The following SH2D5 variants were observed in gnomAD, a reference collection of about 807,000 sequenced individuals.
SH2D5 encodes the protein SH2 domain containing 5, also known as SH2 domain-containing protein 5.
SH2D5 carries 45 observed loss-of-function variants against 48.2 expected under a neutral mutation model. That is an observed-to-expected ratio of 0.93 (90% CI 0.73 to 1.20). The LOEUF (loss-of-function observed/expected upper bound fraction) is 1.20, where lower values mean the gene tolerates loss of function less well. Ranked by LOEUF, SH2D5 falls within the 50% of genes most tolerant of loss-of-function variation. The pLI, the probability that SH2D5 is intolerant of heterozygous loss-of-function variation, is 0.00. For synonymous variants in SH2D5, 230 were observed against 249.8 expected, an observed-to-expected ratio of 0.92 and a Z score of 0.75; for missense variants, 538 against 584.1, an observed-to-expected ratio of 0.92 and a Z score of 0.81.
chr1:20,732,268 C>G lies in SH2D5; in HGVS notation c.-130G>C, dbSNP rs572605336. The G allele has an allele frequency of 6.6e-6, 1 of 152,326 alleles. No homozygotes were observed. The highest frequency in any genetic ancestry group is 2.4e-5 in the African/African-American group (1 of 41,574). The allele number at this position is 152,326 out of a possible 1,614,324, so 9.4% of individuals were successfully genotyped here. On this transcript the variant is annotated 5_prime_UTR_variant, in exon 1 of 10. Transcript: ENST00000444387. This position sits in a 1 kb window ranked among gnomAD's most constrained non-coding sequence, Gnocchi z 5.1. ...CCTGGCACTGCCCACGCCCGGCGCT[C>G]CGCCTGGAAGGGCGGGAGGGGCTCG...
chr1:20,724,085 G>A lies in SH2D5; in HGVS notation c.797C>T (p.Ala266Val), dbSNP rs760506888. The change falls in exon 7 of 10, where the codon GCC becomes GTC. Residue 266 changes from alanine to valine, a missense_variant and splice_region_variant. By Grantham distance (64) the Ala-to-Val change is moderately conservative. Coordinates refer to ENST00000444387, the MANE Select transcript of SH2D5 (RefSeq NM_001103161.2). ...ETQLQLSARE[A>V]FPAAWEAWPR... ...GCAGGCATGTTCCCACAACTCACAG[G>A]CCTCCCGAGCCGACAGCTGCAGCTG... 5 of 1,610,134 alleles carry A rather than the reference G, an allele frequency of 3.1e-6. No individual in the cohort carries two copies. In the Admixed American group the frequency reaches 6.7e-5, roughly 21 times the overall value.
rs911503950 is a variant in SH2D5 at position 20,729,297 on chromosome 1, C to G, written c.-42-1211G>C. On this transcript the variant is annotated intron_variant, in intron 1 of 9. Transcript: ENST00000444387. This position sits in a 1 kb window ranked among gnomAD's most constrained non-coding sequence, Gnocchi z 4.2. ...GTCTCTCCTGGGACCAGTGAGAAAGCCACCTCTGTGTCCTACCCTGGCTGG... is the reference window on the plus strand; with the variant it reads ...GTCTCTCCTGGGACCAGTGAGAAAGGCACCTCTGTGTCCTACCCTGGCTGG... Among the ~76,000 whole-genome samples, 1 of 152,234 alleles carries G rather than the reference C, an allele frequency of 6.6e-6. No individual in the cohort carries two copies. Among genetic ancestry groups the G allele is most frequent in the African/African-American group, 2.4e-5 (1 of 41,468 alleles).
chr1:20,731,481 G>A (rs971479521), intron 1 of SH2D5: 1 of 152,378 alleles, frequency 6.6e-6, no homozygotes, highest in Non-Finnish European at 1.5e-5. Flanking sequence ...GTCCTTCTTG[G>A]AATGTTTCCG....
In SH2D5 at chr1:20,721,787, A is replaced by G. The variant is rs1312328741; in HGVS notation, c.*5T>C. The G allele has an allele frequency of 1.9e-6, 3 of 1,540,076 alleles. No homozygotes were observed. The African/African-American group carries it at 4.1e-5, about 21-fold the overall frequency. On this transcript the variant is annotated 3_prime_UTR_variant, in exon 10 of 10. Coordinates refer to ENST00000444387, the MANE Select transcript of SH2D5 (RefSeq NM_001103161.2). Reference sequence around the variant, plus strand: ...GCGGGGCCTGTGGGACCGGGGCCCTACCTCTTAGCCCAGGCCCTGCAGCTC... The same window carrying G: ...GCGGGGCCTGTGGGACCGGGGCCCTGCCTCTTAGCCCAGGCCCTGCAGCTC...
chr1:20,726,067 C>A lies in SH2D5; in HGVS notation c.244-1G>T. The A allele has an allele frequency of 1.9e-6, 3 of 1,595,454 alleles. No individual in the cohort carries two copies. In the South Asian group the frequency reaches 3.4e-5, roughly 18 times the overall value. Reference sequence around the variant, plus strand: ...TCAGGGCATGAGCCATCAGCAGCACCTGGCGAGGCAGCAGTGTGAGGCCCC... The same window carrying A: ...TCAGGGCATGAGCCATCAGCAGCACATGGCGAGGCAGCAGTGTGAGGCCCC... On this transcript the variant is annotated splice_acceptor_variant, in intron 4 of 9. Coordinates refer to ENST00000444387, the MANE Select transcript of SH2D5 (RefSeq NM_001103161.2). LOFTEE classifies it high-confidence loss of function.
intron 7 of SH2D5, 82 bp from the exon 8 acceptor site, chr1:20,723,816 G>T: frequency 1.7e-6 from 2 of 1,211,486 alleles, no homozygotes; most frequent in Non-Finnish European, 1.2e-6. Context: ...CACCCAGGGT[G>T]GTGTCCTCCC....
At chr1:20,722,148 T>C (rs555762227) in intron 9 of SH2D5, among the ~76,000 whole-genome samples, 153 bp from the exon 10 acceptor site, 69 of 152,226 alleles carry the variant, frequency 4.5e-4, no homozygotes, top group African/African-American at 1.6e-3. Context: ...CCAAACACCA[T>C]TCCCTCTCTC....
chr1:20,725,901 T>G lies in SH2D5; in HGVS notation c.390+19A>C. ...CCCTCCGGCCTCCGTGGCGGTCCCCTGCCTCAAGCCCCAGATACCTCTCCT... is the reference window on the plus strand; with the variant it reads ...CCCTCCGGCCTCCGTGGCGGTCCCCGGCCTCAAGCCCCAGATACCTCTCCT... On this transcript the variant is annotated intron_variant, in intron 5 of 9. Coordinates refer to ENST00000444387, the MANE Select transcript of SH2D5 (RefSeq NM_001103161.2). The G allele has an allele frequency of 6.2e-7, 1 of 1,611,784 alleles. No homozygotes were observed. The highest frequency in any genetic ancestry group is 8.5e-7 in the Non-Finnish European group (1 of 1,179,502).
intron 5 of SH2D5, among the ~76,000 whole-genome samples, chr1:20,725,269 T>C (rs1242516447): frequency 6.6e-6 from 1 of 152,228 alleles, no homozygotes; most frequent in Non-Finnish European, 1.5e-5. Context: ...GTCACCCCAG[T>C]ATCCAGCACA....
At chr1:20,722,514 C>T (rs2054706760) in intron 9 of SH2D5, among the ~76,000 whole-genome samples, 1 of 152,160 alleles carries the variant, frequency 6.6e-6, no homozygotes, top group South Asian at 2.1e-4. Flanking sequence ...GCGGAGTCAA[C>T]AGAGGTGGGG....
At chr1:20,723,349 T>G (rs530581523) in intron 8 of SH2D5, among the ~76,000 whole-genome samples, 1 of 152,370 alleles carries the variant, frequency 6.6e-6, no homozygotes, top group Non-Finnish European at 1.5e-5. Flanking sequence ...GAGCTGACGC[T>G]TAGGGGCCTC....
chr1:20,727,355 A>G, intron 3 of SH2D5, 168 bp downstream of exon 3: 1 of 702,326 alleles, frequency 1.4e-6, no homozygotes. Context: ...CCCAGGGCAT[A>G]AGGGATGGGG....
chr1:20,724,532 C>G lies in SH2D5; in HGVS notation c.494G>C (p.Gly165Ala). 1 of 1,608,842 alleles carries G rather than the reference C, an allele frequency of 6.2e-7. No homozygotes were observed. Among genetic ancestry groups the G allele is most frequent in the Non-Finnish European group, 8.5e-7 (1 of 1,178,448 alleles). The part of the protein sequence containing the change: ...AQPEPCPGPT[G>A]EVPLKPLSSS... ...GGACAGTGGCTTCAGGGGCACCTCC[C>G]CTGTGGGCCCTGGGCAGGGCTCTGG... The change falls in exon 6 of 10, where the codon GGG becomes GCG. Residue 165 changes from glycine (G) to alanine (A), a missense_variant. By Grantham distance (60) the Gly-to-Ala change is moderately conservative (BLOSUM62 0). Coordinates refer to ENST00000444387, the MANE Select transcript of SH2D5 (RefSeq NM_001103161.2).
At position 20,721,661 on chromosome 1, in the gene SH2D5, G is replaced by A. The variant is rs991713609; in HGVS notation, c.*131C>T. ...GCTCCCCTCCCACGGACAGTGACGC[G>A]ATGGAAGACTGCTCCAAGGGCAGGG... On this transcript the variant is annotated 3_prime_UTR_variant, in exon 10 of 10. Transcript: ENST00000444387. The A allele has an allele frequency of 5.9e-6, 5 of 843,562 alleles. No homozygotes were observed. Among genetic ancestry groups the A allele is most frequent in the East Asian group, 2.8e-5 (1 of 35,898 alleles). The allele number at this position is 843,562 out of a possible 1,614,324, so 52.3% of individuals were successfully genotyped here. A position where few individuals can be genotyped will look rare whatever the true frequency, so the allele number is the denominator to read the frequency against.
rs1245821323 is a variant in SH2D5 at position 20,723,702 on chromosome 1, G to A, written c.832C>T (p.Pro278Ser). Residue 278 changes from proline (P) to serine (S), a missense_variant, in exon 8 of 10, where the codon CCT (proline) becomes TCT (serine). Coordinates refer to ENST00000444387, the MANE Select transcript of SH2D5 (RefSeq NM_001103161.2). ...PAAWEAWPRG[P>S]GGHSCLVESE... ...TCCACCAGGCACGAGTGGCCACCAG[G>A]ACCCCGGGGCCATGCCTCCCATGCG... is the stretch of plus-strand genomic sequence containing the variant. 2 of 1,612,926 alleles carry A rather than the reference G, an allele frequency of 1.2e-6. No individual in the cohort carries two copies. Among genetic ancestry groups the A allele is most frequent in the African/African-American group, 2.7e-5 (2 of 74,932 alleles).
At chr1:20,723,522 G>T (rs1323794697) in intron 8 of SH2D5, 104 bp downstream of exon 8, 1 of 836,360 alleles carries the variant, frequency 1.2e-6, no homozygotes. Flanking sequence ...GGTTGGGAGC[G>T]CTCTGCCCGT....
intron 5 of SH2D5, among the ~76,000 whole-genome samples, chr1:20,725,199 A>C (rs1390304615): frequency 6.6e-6 from 1 of 152,222 alleles, no homozygotes; most frequent in Admixed American, 6.5e-5. Context: ...CACACACACC[A>C]TCCAGACCCA....
rs1456022827 is a variant in SH2D5, at chr1:20,724,549, G to C, written c.477C>G (p.Pro159=). The change falls in exon 6 of 10, where the codon CCC becomes CCG. Residue 159 remains proline, a synonymous_variant. Coordinates refer to ENST00000444387, the MANE Select transcript of SH2D5 (RefSeq NM_001103161.2). ...GCACCTCCCCTGTGGGCCCTGGGCA[G>C]GGCTCTGGCTGTGCCCGCTCCTCAG... ...QHPEERAQPE[P]CPGPTGEVPL... 1 of 1,605,026 alleles carries C rather than the reference G, an allele frequency of 6.2e-7. No homozygotes were observed. The highest frequency in any genetic ancestry group is 8.5e-7 in the Non-Finnish European group (1 of 1,176,820).
At position 20,721,782 on chromosome 1, in the gene SH2D5, G is replaced by T. The variant is rs995617516; in HGVS notation, c.*10C>A. On this transcript the variant is annotated 3_prime_UTR_variant, in exon 10 of 10. Transcript: ENST00000444387. ...GTGAGGCGGGGCCTGTGGGACCGGG[G>T]CCCTACCTCTTAGCCCAGGCCCTGC... The T allele has an allele frequency of 4.6e-6, 7 of 1,529,620 alleles. No individual in the cohort carries two copies. The highest frequency in any genetic ancestry group is 4.0e-5 in the Admixed American group (2 of 50,284). 94.8% of individuals were successfully genotyped at this position (1,529,620 alleles called of 1,614,324 possible).
Sources: gnomAD v4.1 joint callset for allele counts (sites outside exome capture counted in the v4.1 genomes callset) on GRCh38, gnomAD v4.1.1 for gene constraint, Gnocchi (gnomAD v3.1) non-coding constraint, MANE v1.5 for transcripts, NCBI Gene and HGNC (gene_info 2026-07-23, HGNC 2026-07-21) for gene names.